Variants in PHF21A observed in about 807,000 individuals in gnomAD.
PHF21A encodes the protein PHD finger protein 21A.
A neutral mutation model predicts 82.5 loss-of-function variants in PHF21A; 11 were observed. That is an observed-to-expected ratio of 0.13 (90% confidence interval 0.08 to 0.22). The LOEUF (loss-of-function observed/expected upper bound fraction) is 0.22. Ranked by LOEUF, PHF21A falls within the 10% of genes least tolerant of loss-of-function variation. PHF21A has a pLI of 1.00. For missense variants in PHF21A, 579 were observed against 837.8 expected, an observed-to-expected ratio of 0.69 and a Z score of 3.81; for synonymous variants, 297 against 302.8, an observed-to-expected ratio of 0.98 and a Z score of 0.20.
intron 6 of PHF21A, among the ~76,000 whole-genome samples, chr11:46,022,141 GTTTC>G (rs537257538): frequency 8.5e-4 from 129 of 152,278 alleles, no homozygotes; most frequent in Admixed American, 1.4e-3. Context: ...TGTACTGTTT[GTTTC>G]TTTCTTTTTT....
intron 1 of PHF21A, among the ~76,000 whole-genome samples, chr11:46,105,448 C>T (rs948174065): frequency 1.3e-5 from 2 of 151,974 alleles, no homozygotes; most frequent in African/African-American, 4.8e-5. Context: ...TGGTTAAGAG[C>T]CCCCAGCCCA....
intron 14 of PHF21A, among the ~76,000 whole-genome samples, chr11:45,946,469 C>T (rs139743387): frequency 0.026 from 3,930 of 152,220 alleles, 49 homozygotes; most frequent in Middle Eastern, 0.051. Flanking sequence ...CTGCAACCTC[C>T]GCCTCCCGGG....
intron 15 of PHF21A, among the ~76,000 whole-genome samples, chr11:45,940,630 A>G (rs2090161506): frequency 7.8e-6 from 1 of 127,944 alleles, no homozygotes; most frequent in Admixed American, 8.8e-5. Context: ...TCATCCCTAG[A>G]TTAACTATGA....
intron 1 of PHF21A, among the ~76,000 whole-genome samples, chr11:46,103,762 C>G (rs912559172): frequency 6.6e-6 from 1 of 152,122 alleles, no homozygotes; most frequent in Non-Finnish European, 1.5e-5. Flanking sequence ...AAAAACATAT[C>G]AAGGATCAAA....
At chr11:45,963,174 C>A (rs1372806034) in intron 10 of PHF21A, among the ~76,000 whole-genome samples, 1 of 151,976 alleles carries the variant, frequency 6.6e-6, no homozygotes, top group Non-Finnish European at 1.5e-5. Context: ...AATCCCACCA[C>A]TTTGGGAGGC....
intron 6 of PHF21A, among the ~76,000 whole-genome samples, chr11:45,989,053 G>A (rs544216978): frequency 6.6e-6 from 1 of 152,032 alleles, no homozygotes; most frequent in African/African-American, 2.4e-5. Flanking sequence ...GACACCCCTC[G>A]TCAAACAACA....
intron 6 of PHF21A, among the ~76,000 whole-genome samples, chr11:46,059,441 T>C (rs2139431794): frequency 6.6e-6 from 1 of 152,292 alleles, no homozygotes; most frequent in South Asian, 2.1e-4. Flanking sequence ...TTTATTTATT[T>C]TTAAAAGACA....
At chr11:45,981,188 C>T (rs1016024757) in intron 6 of PHF21A, among the ~76,000 whole-genome samples, 2 of 151,790 alleles carry the variant, frequency 1.3e-5, no homozygotes, top group Non-Finnish European at 2.9e-5. Context: ...GAGTTCAAGA[C>T]CAGCCTGGCC....
At chr11:46,006,573 G>C (rs2095301362) in intron 6 of PHF21A, among the ~76,000 whole-genome samples, 2 of 152,224 alleles carry the variant, frequency 1.3e-5, no homozygotes, top group Admixed American at 1.3e-4. Context: ...ACAGGCAGCT[G>C]TCTGCCTGAG....
At chr11:46,023,710 C>T (rs1390245903) in intron 6 of PHF21A, among the ~76,000 whole-genome samples, 1 of 152,218 alleles carries the variant, frequency 6.6e-6, no homozygotes, top group Non-Finnish European at 1.5e-5. Flanking sequence ...AATCCCAACA[C>T]TTTTGGAGAC....
chr11:45,964,846 A>AT (rs1208287540), intron 10 of PHF21A, among the ~76,000 whole-genome samples: 1 of 152,034 alleles, frequency 6.6e-6, no homozygotes, highest in African/African-American at 2.4e-5. Flanking sequence ...GGAAATTTTA[A>AT]TTTTTTTTGT....
Position 46,014,992 on chromosome 11 carries a change from A to T in PHF21A, c.154-35026T>A, listed in dbSNP as rs1049336891. Among the ~76,000 whole-genome samples the T allele has an allele frequency of 9.6e-4, 44 of 46,060 alleles. 14 individuals are homozygous for T. The highest frequency in any genetic ancestry group is 2.5e-3 in the African/African-American group (9 of 3,604). The allele number at this position is 46,060 out of a possible 152,430, so 30.2% of individuals were successfully genotyped here. A position where few individuals can be genotyped will look rare whatever the true frequency, so the allele number is the denominator to read the frequency against. Reference sequence around the variant, plus strand: ...GAGACTCCGTCTCAAAAAAAAAAAAAAATAAAAATAAAAAAATAAAAAAAA... The same window carrying T: ...GAGACTCCGTCTCAAAAAAAAAAAATAATAAAAATAAAAAAATAAAAAAAA... On this transcript the variant is annotated intron_variant, in intron 6 of 18. Coordinates refer to ENST00000676320, the MANE Select transcript of PHF21A (RefSeq NM_001352027.3).
At chr11:46,048,137 C>T (rs1246508874) in intron 6 of PHF21A, among the ~76,000 whole-genome samples, 1 of 152,182 alleles carries the variant, frequency 6.6e-6, no homozygotes, top group African/African-American at 2.4e-5. Context: ...TAGTCACTCC[C>T]CATTCCCCAA....
chr11:46,089,211 C>T (rs556615742), intron 3 of PHF21A, among the ~76,000 whole-genome samples: 1 of 152,066 alleles, frequency 6.6e-6, no homozygotes, highest in Non-Finnish European at 1.5e-5. Context: ...CAGTCATCTA[C>T]GTATCTTTAC....
chr11:46,002,526 A>G (rs541805360), intron 6 of PHF21A, among the ~76,000 whole-genome samples: 22 of 151,824 alleles, frequency 1.4e-4, no homozygotes, highest in Admixed American at 2.6e-4. Context: ...TATTTGGGGG[A>G]AAAAAAAAGG....
chr11:46,027,653 C>G (rs2095777045), intron 6 of PHF21A, among the ~76,000 whole-genome samples: 1 of 152,200 alleles, frequency 6.6e-6, no homozygotes, highest in Non-Finnish European at 1.5e-5. Flanking sequence ...TAAAGACATT[C>G]TCCTTATTCA....
intron 1 of PHF21A, among the ~76,000 whole-genome samples, chr11:46,105,226 G>T (rs1045176169): frequency 6.6e-6 from 1 of 152,196 alleles, no homozygotes; most frequent in Non-Finnish European, 1.5e-5. Context: ...TAACCTCTGT[G>T]TTCTACTGAC....
At chr11:45,963,135 G>A (rs1381674510) in intron 10 of PHF21A, among the ~76,000 whole-genome samples, 1 of 151,972 alleles carries the variant, frequency 6.6e-6, no homozygotes, top group Non-Finnish European at 1.5e-5. Context: ...GAAAATATCT[G>A]GGGGCCGGGT....
At chr11:45,935,834 T>A (rs573746492) in intron 17 of PHF21A, 95 bp from the exon 18 acceptor site, 4 of 684,190 alleles carry the variant, frequency 5.8e-6, no homozygotes, top group African/African-American at 5.4e-5. Flanking sequence ...AGAAGGTATT[T>A]TCCCCAGAGC....
Sources: gnomAD v4.1 joint callset for allele counts (sites outside exome capture counted in the v4.1 genomes callset) on GRCh38, gnomAD v4.1.1 for gene constraint, MANE v1.5 for transcripts, NCBI Gene and HGNC (gene_info 2026-07-23, HGNC 2026-07-21) for gene names.